The following MAGI1 variants were observed in gnomAD, a reference collection of about 807,000 sequenced individuals.
The protein encoded by MAGI1 is membrane associated guanylate kinase, WW and PDZ domain containing 1, also known as membrane-associated guanylate kinase, WW and PDZ domain-containing protein 1.
In MAGI1, 58 loss-of-function variants were observed where a neutral mutation model predicts 139.9. That is an observed-to-expected ratio of 0.41 (90% CI 0.34 to 0.52). The LOEUF is 0.52. Among genes scored for constraint, MAGI1 ranks in the 20% least tolerant of loss-of-function variants. MAGI1 has a pLI of 0.12. For synonymous variants in MAGI1, 812 were observed against 737.9 expected, an observed-to-expected ratio of 1.10 and a Z score of -1.63; for missense variants, 1,874 against 1,901.6, an observed-to-expected ratio of 0.99 and a Z score of 0.27.
At chr3:65,791,683 A>C (rs539244427) in intron 1 of MAGI1, among the ~76,000 whole-genome samples, 2 of 152,188 alleles carry the variant, frequency 1.3e-5, no homozygotes, top group South Asian at 4.2e-4. Flanking sequence ...TGAGGAGGTA[A>C]ACGTTCTTAT....
At chr3:65,857,161 G>A (rs2059401309) in intron 1 of MAGI1, among the ~76,000 whole-genome samples, 1 of 151,898 alleles carries the variant, frequency 6.6e-6, no homozygotes, top group African/African-American at 2.4e-5. Flanking sequence ...TCAGTTGCCA[G>A]AGTCATGGTC....
chr3:65,561,350 G>T (rs1422764612), intron 2 of MAGI1, among the ~76,000 whole-genome samples: 2 of 152,066 alleles, frequency 1.3e-5, no homozygotes, highest in Non-Finnish European at 2.9e-5. Context: ...TATGGCTGGG[G>T]CAAATGGTAC....
chr3:65,958,397 T>A (rs887871938), intron 1 of MAGI1, among the ~76,000 whole-genome samples: 1 of 152,156 alleles, frequency 6.6e-6, no homozygotes, highest in African/African-American at 2.4e-5. Context: ...TATTGTATCA[T>A]CAAAAAGGTA....
intron 1 of MAGI1, among the ~76,000 whole-genome samples, chr3:65,984,586 G>T (rs1363782900): frequency 2.0e-5 from 3 of 150,800 alleles, no homozygotes; most frequent in Non-Finnish European, 4.4e-5. Flanking sequence ...CTGGAGTACA[G>T]TGTTACGATC....
At chr3:65,765,228 A>T (rs1244579356) in intron 1 of MAGI1, among the ~76,000 whole-genome samples, 1 of 152,214 alleles carries the variant, frequency 6.6e-6, no homozygotes, top group East Asian at 1.9e-4. Flanking sequence ...TTTGGCAAAG[A>T]CAATGAATCC....
At chr3:65,496,608 C>T (rs529913259) in intron 2 of MAGI1, among the ~76,000 whole-genome samples, 1 of 152,254 alleles carries the variant, frequency 6.6e-6, no homozygotes, top group African/African-American at 2.4e-5. Context: ...AGGTATTAAG[C>T]GCCACATGCA....
At chr3:65,472,677 G>A (rs769233213) in intron 4 of MAGI1, among the ~76,000 whole-genome samples, 3 of 152,100 alleles carry the variant, frequency 2.0e-5, no homozygotes, top group Non-Finnish European at 4.4e-5. Flanking sequence ...ACACTCCTCC[G>A]TGCACCAGTG....
At chr3:65,744,862 T>C (rs1031940619) in intron 1 of MAGI1, among the ~76,000 whole-genome samples, 2 of 152,272 alleles carry the variant, frequency 1.3e-5, no homozygotes, top group Non-Finnish European at 1.5e-5. Context: ...TCAGTGGCAT[T>C]AGTAACATTT....
At chr3:65,942,399 G>T (rs142967364) in intron 1 of MAGI1, among the ~76,000 whole-genome samples, 2 of 152,086 alleles carry the variant, frequency 1.3e-5, no homozygotes, top group Non-Finnish European at 2.9e-5. Flanking sequence ...CTATCTTTTA[G>T]TAGCCTCAAA....
At chr3:65,940,205 G>A (rs2063241906) in intron 1 of MAGI1, among the ~76,000 whole-genome samples, 1 of 152,180 alleles carries the variant, frequency 6.6e-6, no homozygotes, top group African/African-American at 2.4e-5. Context: ...AGAGCGCTTA[G>A]GGAAAGCAAT....
Position 65,974,088 on chromosome 3 carries a change from T to G in MAGI1, c.313+63908A>C, listed in dbSNP as rs1327594765. Among the ~76,000 whole-genome samples the G allele has an allele frequency of 2.0e-5, 3 of 152,106 alleles. No homozygotes were observed. In the East Asian group the frequency reaches 5.8e-4, roughly 29 times the overall value. The stretch of plus-strand genomic sequence containing the variant: ...AAAGGAAAGGTACAGAAAAATAAAA[T>G]CTTTCTTATTTACTTCTAGAATTCA... On this transcript the variant is annotated intron_variant, in intron 1 of 22. Transcript: ENST00000402939.
At chr3:65,446,594 G>A (rs1948691170) in intron 7 of MAGI1, among the ~76,000 whole-genome samples, 1 of 152,192 alleles carries the variant, frequency 6.6e-6, no homozygotes, top group Non-Finnish European at 1.5e-5. Flanking sequence ...AGACAGCAGA[G>A]TGATCTGTCA....
intron 21 of MAGI1, among the ~76,000 whole-genome samples, chr3:65,361,737 G>A (rs954502203): frequency 2.0e-5 from 3 of 152,140 alleles, no homozygotes; most frequent in African/African-American, 4.8e-5. Context: ...TCAAAGATCA[G>A]GTCATAAAAC....
intron 1 of MAGI1, among the ~76,000 whole-genome samples, chr3:65,765,277 A>C (rs1018249456): frequency 6.6e-6 from 1 of 152,196 alleles, no homozygotes; most frequent in Non-Finnish European, 1.5e-5. Context: ...CCTTTACCAA[A>C]GGAGGGGAAA....
chr3:65,850,221 T>C (rs987716362), intron 1 of MAGI1, among the ~76,000 whole-genome samples: 4 of 152,220 alleles, frequency 2.6e-5, no homozygotes, highest in African/African-American at 9.6e-5. Flanking sequence ...TGTCATGCTG[T>C]AAATTATGGT....
chr3:65,463,571 T>C (rs1233661087), intron 5 of MAGI1, among the ~76,000 whole-genome samples: 1 of 123,464 alleles, frequency 8.1e-6, no homozygotes, highest in Admixed American at 8.0e-5. Context: ...TGTGTGTGTG[T>C]GTGTGTGTGT....
At chr3:65,381,665 G>A (rs1943063015) in intron 16 of MAGI1, among the ~76,000 whole-genome samples, 2 of 152,136 alleles carry the variant, frequency 1.3e-5, no homozygotes, top group Admixed American at 1.3e-4. Flanking sequence ...GGAAGCCTTT[G>A]TTGAACACAT....
chr3:65,974,407 G>GTGGATGGATGGATGGATGGATGGA (rs1243537570), intron 1 of MAGI1, among the ~76,000 whole-genome samples: 10 of 67,914 alleles, frequency 1.5e-4, no homozygotes, highest in African/African-American at 5.6e-4. Context: ...GGGTGGATGG[G>GTGGATGGATGGATGGATGGATGGA]TGGATGGATG....
chr3:65,552,006 T>TG (rs1449630387), intron 2 of MAGI1, among the ~76,000 whole-genome samples: 3 of 152,090 alleles, frequency 2.0e-5, no homozygotes, highest in Admixed American at 2.0e-4. Flanking sequence ...AACTCCAAAG[T>TG]GGGGGAGGCA....
Sources: gnomAD v4.1 joint callset for allele counts (sites outside exome capture counted in the v4.1 genomes callset) on GRCh38, gnomAD v4.1.1 for gene constraint, MANE v1.5 for transcripts, NCBI Gene and HGNC (gene_info 2026-07-23, HGNC 2026-07-21) for gene names.